Variants in LYRM4 observed in about 807,000 individuals in gnomAD.
The protein encoded by LYRM4 is LYR motif containing 4.
In LYRM4, 9 loss-of-function variants were observed where a neutral mutation model predicts 11.7. That is an observed-to-expected ratio of 0.77 (90% CI 0.46 to 1.34). LYRM4 has a LOEUF of 1.34. Ranked by LOEUF, LYRM4 falls within the 40% of genes most tolerant of loss-of-function variation. LYRM4 has a pLI of 0.00. For synonymous variants in LYRM4, 42 were observed against 40.4 expected (o/e 1.04, Z -0.15); for missense variants, 133 against 112.5 (o/e 1.18, Z -0.82).
At chr6:5,249,966 T>C (rs907040352) in intron 1 of LYRM4, among the ~76,000 whole-genome samples, 1 of 152,230 alleles carries the variant, frequency 6.6e-6, no homozygotes, top group Non-Finnish European at 1.5e-5. Context: ...AATTTTCTAT[T>C]AGGTTCATTA....
chr6:5,172,763 T>C (rs1235658981), intron 2 of LYRM4, among the ~76,000 whole-genome samples: 1 of 152,210 alleles, frequency 6.6e-6, no homozygotes, highest in African/African-American at 2.4e-5. Flanking sequence ...TTAAGGCACT[T>C]GAGAGACTAA....
At chr6:5,035,194 A>G in the LYRM4 span, among the ~76,000 whole-genome samples, 1 of 152,090 alleles carries the variant, frequency 6.6e-6, no homozygotes, top group African/African-American at 2.4e-5. Flanking sequence ...TGTTCGTAGA[A>G]CATAACTACC....
At chr6:5,219,342 A>C (rs944527951) in intron 1 of LYRM4, among the ~76,000 whole-genome samples, 15 of 151,704 alleles carry the variant, frequency 9.9e-5, no homozygotes, top group Non-Finnish European at 1.8e-4. Context: ...GTCCTTACCT[A>C]AAGAAAAGCA....
At chr6:5,085,933 G>T in the LYRM4 span, 8 of 1,527,956 alleles carry the variant, frequency 5.2e-6, no homozygotes, top group Non-Finnish European at 6.1e-6. Flanking sequence ...GCACTTCAGC[G>T]AGGCGGAGGA....
At chr6:5,199,472 T>C (rs563661409) in intron 2 of LYRM4, among the ~76,000 whole-genome samples, 8 of 152,334 alleles carry the variant, frequency 5.3e-5, no homozygotes, top group African/African-American at 1.9e-4. Context: ...ACTTTGAATA[T>C]ACTAAAAACC....
chr6:5,187,439 G>A (rs1320277555), intron 2 of LYRM4, among the ~76,000 whole-genome samples: 2 of 152,194 alleles, frequency 1.3e-5, no homozygotes, highest in Non-Finnish European at 2.9e-5. Flanking sequence ...ATTACAGCAT[G>A]TCCACACTGT....
chr6:5,112,327 G>A (rs551078305), intron 2 of LYRM4, among the ~76,000 whole-genome samples: 3 of 152,320 alleles, frequency 2.0e-5, no homozygotes, highest in South Asian at 4.1e-4. Context: ...CCTGGGCCTC[G>A]CACAGTCCTG....
chr6:5,104,701 T>A (rs1762608527), downstream of LYRM4: 1 of 152,226 alleles, frequency 6.6e-6, no homozygotes, highest in Non-Finnish European at 1.5e-5. Context: ...GTTGAGGTTG[T>A]TCGAAGTCAG....
chr6:5,082,427 A>G, the LYRM4 span, among the ~76,000 whole-genome samples: 1 of 152,142 alleles, frequency 6.6e-6, no homozygotes, highest in African/African-American at 2.4e-5. Context: ...TCCCTGCCCC[A>G]GTGACTGCTA....
chr6:5,133,721 T>C (rs1290989461), intron 2 of LYRM4, among the ~76,000 whole-genome samples: 1 of 152,210 alleles, frequency 6.6e-6, no homozygotes, highest in East Asian at 1.9e-4. Context: ...TCTGGAAATT[T>C]TCATCACCCC....
chr6:5,164,657 G>GAT (rs1758964457), intron 2 of LYRM4, among the ~76,000 whole-genome samples: 1 of 152,096 alleles, frequency 6.6e-6, no homozygotes, highest in African/African-American at 2.4e-5. Flanking sequence ...CTGGGTAGAT[G>GAT]ATATCTTCAG....
chr6:5,094,634 G>A, the LYRM4 span, among the ~76,000 whole-genome samples: 1 of 152,246 alleles, frequency 6.6e-6, no homozygotes, highest in Non-Finnish European at 1.5e-5. Context: ...CCAGCCTTCA[G>A]ATGTCTTCTT....
At position 5,169,516 on chromosome 6, in the gene LYRM4, A is replaced by G. The variant is rs963869105; in HGVS notation, c.207+47102T>C. Among the ~76,000 whole-genome samples, 3 of 152,218 alleles carry G rather than the reference A, an allele frequency of 2.0e-5. No individual in the cohort carries two copies. The East Asian group carries it at 5.8e-4, about 29-fold the overall frequency. ...AACTATACAAGGCAAAAATGCAGTG[A>G]GCATGGGTTCTAAGGTTACAAATAA... On this transcript the variant is annotated intron_variant, in intron 2 of 2. Coordinates refer to ENST00000330636, the MANE Select transcript of LYRM4 (RefSeq NM_020408.6).
intron 2 of LYRM4, among the ~76,000 whole-genome samples, chr6:5,205,420 A>G (rs1761638432): frequency 6.6e-6 from 1 of 151,810 alleles, no homozygotes. Context: ...GAGGCTGGCC[A>G]TAAAATACGA....
At chr6:5,090,448 G>A in the LYRM4 span, among the ~76,000 whole-genome samples, 1 of 152,194 alleles carries the variant, frequency 6.6e-6, no homozygotes, top group African/African-American at 2.4e-5. The surrounding 1 kb of genome is among the most constrained non-coding windows in gnomAD (Gnocchi z 4.8). Flanking sequence ...TCCAGGAAGT[G>A]TACGGTGGAC....
At chr6:5,032,805 A>C in the LYRM4 span, 1 of 152,262 alleles carries the variant, frequency 6.6e-6, no homozygotes, top group East Asian at 1.9e-4. Context: ...TTGCAGCCCA[A>C]ATGTGCTGTG....
chr6:5,112,780 G>A (rs1762942121), intron 2 of LYRM4, among the ~76,000 whole-genome samples: 1 of 152,228 alleles, frequency 6.6e-6, no homozygotes, highest in Non-Finnish European at 1.5e-5. Flanking sequence ...TCTCAGAGGA[G>A]ACAGCCTCAA....
At chr6:5,080,028 C>G in the LYRM4 span, among the ~76,000 whole-genome samples, 2 of 152,226 alleles carry the variant, frequency 1.3e-5, no homozygotes, top group African/African-American at 2.4e-5. Flanking sequence ...TATTTAGGAT[C>G]ACCTTTTCCA....
chr6:5,123,697 G>T (rs919333257), intron 2 of LYRM4, among the ~76,000 whole-genome samples: 1 of 152,196 alleles, frequency 6.6e-6, no homozygotes, highest in Non-Finnish European at 1.5e-5. Context: ...GCTCTAGCGC[G>T]ACCAGATTCC....
Sources: allele counts gnomAD v4.1 joint callset (sites outside exome capture counted in the v4.1 genomes callset), GRCh38; gene constraint gnomAD v4.1.1; non-coding constraint Gnocchi (gnomAD v3.1); transcripts MANE v1.5; gene names NCBI Gene and HGNC (gene_info 2026-07-23, HGNC 2026-07-21).